The following IRS1 variants were observed in gnomAD, a reference collection of about 807,000 sequenced individuals.
IRS1 encodes insulin receptor substrate 1.
A neutral mutation model predicts 65.6 loss-of-function variants in IRS1; 34 were observed. The observed-to-expected ratio is 0.52, with a 90% CI of 0.39 to 0.69. The LOEUF (loss-of-function observed/expected upper bound fraction) is 0.69. Among genes scored for constraint, IRS1 ranks in the 30% least tolerant of loss-of-function variants. IRS1 has a pLI of 0.00. For missense variants in IRS1, 1,641 were observed against 1,720.2 expected, an observed-to-expected ratio of 0.95 and a Z score of 0.81; for synonymous variants, 699 against 683.5, an observed-to-expected ratio of 1.02 and a Z score of -0.35.
intron 1 of IRS1, among the ~76,000 whole-genome samples, chr2:226,768,821 G>C (rs2106170718): frequency 6.6e-6 from 1 of 152,246 alleles, no homozygotes; most frequent in Non-Finnish European, 1.5e-5. Context: ...ATTTTTAGTA[G>C]AAACAGGGTT....
intron 1 of IRS1, among the ~76,000 whole-genome samples, chr2:226,741,597 A>G (rs1264789252): frequency 1.3e-5 from 2 of 151,874 alleles, no homozygotes; most frequent in South Asian, 2.1e-4. Flanking sequence ...TTGATTTCCT[A>G]TTTCACACAA....
Position 226,795,043 on chromosome 2 carries a change from G to A in IRS1, c.3696C>T (p.Ile1232=), listed in dbSNP as rs746585066. The part of the protein sequence containing the change: ...SSEDLSAYAS[I]SFQKQPEDRQ ...GGTCCTCTGGCTGCTTCTGGAAACT[G>A]ATGCTGGCATAGGCGCTTAAATCCT... The change falls in exon 1 of 2, where the codon ATC becomes ATT. Residue 1232 remains isoleucine, a synonymous_variant. Transcript: ENST00000305123. 64 of 1,611,780 alleles carry A rather than the reference G, an allele frequency of 4.0e-5. No individual in the cohort carries two copies. The highest frequency in any genetic ancestry group is 5.4e-5 in the African/African-American group (4 of 74,518).
At position 226,771,097 on chromosome 2, in the gene IRS1, C is replaced by T. The variant is rs551553831; in HGVS notation, c.*21+23892G>A. 7.9e-5 allele frequency among the ~76,000 whole-genome samples: 12 copies of T among 152,124 alleles called. No homozygotes were observed. The South Asian group carries it at 1.5e-3, about 18-fold the overall frequency. ...CCTGTCACTGTCAGTGACGGAAGAA[C>T]GTTGGTAGTGTGGGCTGTGTTGTTT... On this transcript the variant is annotated intron_variant, in intron 1 of 1. Coordinates refer to ENST00000305123, the MANE Select transcript of IRS1 (RefSeq NM_005544.3).
chr2:226,770,560 C>G (rs1939143053), intron 1 of IRS1, among the ~76,000 whole-genome samples: 1 of 152,090 alleles, frequency 6.6e-6, no homozygotes, highest in South Asian at 2.1e-4. Context: ...ATTTGAGGAT[C>G]AAATGAATGA....
Position 226,796,066 on chromosome 2 carries a change from C to A in IRS1, c.2673G>T (p.Lys891Asn). ...CAATATTGACATATTCCCCCGGGCT[C>A]TTGGGCTCTGGAGGGTGCAGCAAGG... is the stretch of plus-strand genomic sequence containing the variant. Reference protein sequence around the residue: ...QQPLLHPPEPKSPGEYVNIEF... With the variant: ...QQPLLHPPEPNSPGEYVNIEF... Residue 891 changes from lysine (K) to asparagine (N), a missense_variant, in exon 1 of 2, where the codon AAG becomes AAT. Physicochemically the swap from Lys to Asn is moderately conservative, Grantham distance 94 (BLOSUM62 0). Transcript: ENST00000305123. 6.2e-7 allele frequency: 1 copy of A among 1,614,016 alleles called. No homozygotes were observed. The highest frequency in any genetic ancestry group is 8.5e-7 in the Non-Finnish European group (1 of 1,180,050).
chr2:226,757,776 CA>C (rs1392731665), intron 1 of IRS1, among the ~76,000 whole-genome samples: 2 of 152,142 alleles, frequency 1.3e-5, no homozygotes, highest in African/African-American at 4.8e-5. Flanking sequence ...AATTTTCCCT[CA>C]AAAAGCCTTT....
intron 1 of IRS1, among the ~76,000 whole-genome samples, chr2:226,774,824 C>T (rs1362242758): frequency 3.9e-5 from 6 of 152,094 alleles, no homozygotes; most frequent in Non-Finnish European, 5.9e-5. Context: ...GCTAAGTAAA[C>T]GAAGCCAGCC....
intron 1 of IRS1, among the ~76,000 whole-genome samples, chr2:226,762,053 G>A (rs1364291976): frequency 6.6e-6 from 1 of 152,164 alleles, no homozygotes; most frequent in Non-Finnish European, 1.5e-5. Context: ...CATAGCCCTT[G>A]CTCATTACAG....
At chr2:226,769,487 C>G (rs1939122803) in intron 1 of IRS1, among the ~76,000 whole-genome samples, 1 of 152,208 alleles carries the variant, frequency 6.6e-6, no homozygotes. Context: ...CAAGGAACCA[C>G]AGAGCCATTT....
In IRS1 at chr2:226,795,572, T is replaced by G. The variant is rs1574664271; in HGVS notation, c.3167A>C (p.His1056Pro). 6.2e-7 allele frequency: 1 copy of G among 1,612,680 alleles called. No individual in the cohort carries two copies. Among genetic ancestry groups the G allele is most frequent in the Non-Finnish European group, 8.5e-7 (1 of 1,179,850 alleles). Residue 1056 changes from histidine to proline, a missense_variant, in exon 1 of 2, where the codon CAC becomes CCC. His to Pro is a moderately conservative substitution (Grantham distance 77, BLOSUM62 -2). Transcript: ENST00000305123. ...GPQGAAELAA[H>P]SSLLGGPQGP... is the part of the protein sequence containing the mutation. The stretch of plus-strand genomic sequence containing the variant: ...TTGTGGGCCCCCCAGCAGGGACGAG[T>G]GGGCAGCCAGCTCTGCTGCCCCTTG...
intron 1 of IRS1, among the ~76,000 whole-genome samples, chr2:226,793,716 G>A (rs1004314219): frequency 6.6e-6 from 1 of 152,174 alleles, no homozygotes; most frequent in Non-Finnish European, 1.5e-5. Context: ...TCATTCTGTG[G>A]AGCATAGATA....
intron 1 of IRS1, among the ~76,000 whole-genome samples, chr2:226,749,662 T>C (rs1204714493): frequency 6.6e-6 from 1 of 152,312 alleles, no homozygotes; most frequent in South Asian, 2.1e-4. Context: ...TTTCCAGAGA[T>C]AGATCCAAGA....
chr2:226,795,210 G>C lies in IRS1; in HGVS notation c.3529C>G (p.Leu1177Val). The change falls in exon 1 of 2, where the codon CTT becomes GTT. Residue 1177 changes from leucine to valine, a missense_variant. Around this residue, in one of 3 missense-constraint regions of IRS1, gnomAD observed 1,324 missense variants for 1,361.0 expected, o/e 0.97. Coordinates refer to ENST00000305123, the MANE Select transcript of IRS1 (RefSeq NM_005544.3). The part of the protein sequence containing the change: ...CGAAGGLENG[L>V]NYIDLDLVKD... ...ACCAAATCCAGGTCTATGTAGTTAA[G>C]ACCATTCTCCAAACCCCCAGCAGCC... 1 of 1,614,062 alleles carries C rather than the reference G, an allele frequency of 6.2e-7. No homozygotes were observed. The highest frequency in any genetic ancestry group is 8.5e-7 in the Non-Finnish European group (1 of 1,180,010).
In IRS1 at chr2:226,732,520, ATG is replaced by A. The variant is rs1438521065; in HGVS notation, c.*3750_*3751del. The A allele has an allele frequency of 1.3e-5, 2 of 148,616 alleles. No individual in the cohort carries two copies. Among genetic ancestry groups the A allele is most frequent in the African/African-American group, 2.5e-5 (1 of 40,468 alleles). 9.2% of individuals were successfully genotyped at this position (148,616 alleles called of 1,614,324 possible). A position where few individuals can be genotyped will look rare whatever the true frequency, so the allele number is the denominator to read the frequency against. The stretch of plus-strand genomic sequence containing the variant: ...CACACACACATATGTGTATCTATAT[ATG>A]TGTGTATATATATCTATATATGTGT... On this transcript the variant is annotated 3_prime_UTR_variant, in exon 2 of 2. Coordinates refer to ENST00000305123, the MANE Select transcript of IRS1 (RefSeq NM_005544.3).
At chr2:226,775,023 G>C (rs907114567) in intron 1 of IRS1, among the ~76,000 whole-genome samples, 1 of 152,136 alleles carries the variant, frequency 6.6e-6, no homozygotes, top group Non-Finnish European at 1.5e-5. Flanking sequence ...GTAAATACAA[G>C]TAATTAAGCA....
At chr2:226,768,638 T>C (rs1162962022) in intron 1 of IRS1, among the ~76,000 whole-genome samples, 2 of 152,150 alleles carry the variant, frequency 1.3e-5, no homozygotes, top group African/African-American at 4.8e-5. Flanking sequence ...GAAACTAGGT[T>C]CTGGCTGTTA....
rs755419237 is a variant in IRS1, at chr2:226,797,173, T to C, written c.1566A>G (p.Arg522=). Residue 522 remains arginine, a synonymous_variant, in exon 1 of 2, where the codon CGA becomes CGG. Transcript: ENST00000305123. The surrounding 1 kb of genome is among the most constrained non-coding windows in gnomAD (Gnocchi z 8.1). ...ASAADLDNRF[R]KRTHSAGTSP... ...ATGTGCCTGCCGAGTGAGTTCTCTTTCGGAACCGATTATCCAGATCTGCAG... is the reference window on the plus strand; with the variant it reads ...ATGTGCCTGCCGAGTGAGTTCTCTTCCGGAACCGATTATCCAGATCTGCAG... 8.7e-6 allele frequency: 14 copies of C among 1,613,908 alleles called. No homozygotes were observed. In the Admixed American group the frequency reaches 2.2e-4, roughly 25 times the overall value.
intron 1 of IRS1, among the ~76,000 whole-genome samples, chr2:226,759,373 A>G (rs1938870432): frequency 6.6e-6 from 1 of 152,250 alleles, no homozygotes; most frequent in Non-Finnish European, 1.5e-5. Flanking sequence ...AAAGGGTCAA[A>G]TAAGCTCTGG....
chr2:226,780,923 C>T (rs1246510282), intron 1 of IRS1, among the ~76,000 whole-genome samples: 2 of 152,174 alleles, frequency 1.3e-5, no homozygotes, highest in Non-Finnish European at 2.9e-5. Context: ...CTTCCCTGAA[C>T]TGTTGATAAA....
Sources: allele counts gnomAD v4.1 joint callset (sites outside exome capture counted in the v4.1 genomes callset), GRCh38; gene constraint gnomAD v4.1.1; regional missense constraint gnomAD v4.1.1; non-coding constraint Gnocchi (gnomAD v3.1); transcripts MANE v1.5; gene names NCBI Gene and HGNC (gene_info 2026-07-23, HGNC 2026-07-21).